The following TFEB variants were observed in gnomAD, a reference collection of about 807,000 sequenced individuals.
TFEB encodes T-cell transcription factor EB.
TFEB carries 12 observed loss-of-function variants against 48.0 expected under a neutral mutation model. That is an observed-to-expected ratio of 0.25 (90% confidence interval 0.16 to 0.40). The LOEUF (loss-of-function observed/expected upper bound fraction) is 0.40, where lower values mean the gene tolerates loss of function less well. Ranked by LOEUF, TFEB falls within the 10% of genes least tolerant of loss-of-function variation. TFEB has a pLI of 1.00. For synonymous variants in TFEB, 244 were observed against 261.4 expected, an observed-to-expected ratio of 0.93 and a Z score of 0.64; for missense variants, 509 against 640.3, an observed-to-expected ratio of 0.79 and a Z score of 2.21.
chr6:41,686,250 G>C lies in TFEB; in HGVS notation c.804-13C>G. 3 of 1,613,494 alleles carry C rather than the reference G, an allele frequency of 1.9e-6. No homozygotes were observed. Among genetic ancestry groups the C allele is most frequent in the Non-Finnish European group, 2.5e-6 (3 of 1,179,482 alleles). The stretch of plus-strand genomic sequence containing the variant: ...CCAGCGCACGTCCCTGCAGCAGCAG[G>C]CCAGGCAAATTAGAGGTGCATGCTC... On this transcript the variant is annotated splice_polypyrimidine_tract_variant and intron_variant, in intron 7 of 8. Transcript: ENST00000373033.
rs1401072125 is a variant in TFEB, at chr6:41,735,057, G to T, written c.-23+293C>A. ...GGGCCGGGAAGGCCCATGCCCGCCC[G>T]GCCCCTCCCGCCCGGTTACATAAGG... On this transcript the variant is annotated intron_variant, in intron 1 of 8. Transcript: ENST00000373033. 3.0e-6 allele frequency: 3 copies of T among 984,934 alleles called. No homozygotes were observed. The East Asian group carries it at 3.4e-4, about 113-fold the overall frequency. The allele number at this position is 984,934 out of a possible 1,614,324, so 61.0% of individuals were successfully genotyped here.
intron 1 of TFEB, among the ~76,000 whole-genome samples, chr6:41,725,951 T>C (rs1771187218): frequency 6.6e-6 from 1 of 152,056 alleles, no homozygotes; most frequent in Non-Finnish European, 1.5e-5. Flanking sequence ...GAAGTTGAAA[T>C]ATACATTAAA....
At chr6:41,689,461 C>T (rs1769180268) in intron 4 of TFEB, among the ~76,000 whole-genome samples, 1 of 152,206 alleles carries the variant, frequency 6.6e-6, no homozygotes, top group African/African-American at 2.4e-5. Flanking sequence ...ACCTGGAAAG[C>T]TCCCCCCACA....
chr6:41,684,954 G>A lies in TFEB; in HGVS notation c.1076C>T (p.Ala359Val), dbSNP rs754340609. Residue 359 changes from alanine (A) to valine (V), a missense_variant, in exon 9 of 9, where the codon GCC becomes GTC. Transcript: ENST00000373033. ...ELPSEEGPGEALMLGAEVPDP... is the reference protein window; with the variant it reads ...ELPSEEGPGEVLMLGAEVPDP... ...AGGGACCTCAGCCCCCAGCATCAGG[G>A]CCTCCCCTGGGCCCTCTTCGCTAGG... The A allele has an allele frequency of 8.8e-6, 14 of 1,584,968 alleles. No individual in the cohort carries two copies. Among genetic ancestry groups the A allele is most frequent in the Non-Finnish European group, 9.4e-6 (11 of 1,165,788 alleles).
chr6:41,685,301 G>A (rs1243994646), intron 8 of TFEB, among the ~76,000 whole-genome samples: 1 of 152,230 alleles, frequency 6.6e-6, no homozygotes, highest in Non-Finnish European at 1.5e-5. Flanking sequence ...ACCGTAGTGA[G>A]TCTTGACCAG....
chr6:41,690,229 C>T (rs546275150), intron 3 of TFEB, among the ~76,000 whole-genome samples: 8 of 152,040 alleles, frequency 5.3e-5, no homozygotes, highest in African/African-American at 1.4e-4. Flanking sequence ...CTTCCCGATT[C>T]AAGTGATTCT....
upstream of TFEB, among the ~76,000 whole-genome samples, chr6:41,735,971 T>A (rs1222559131): frequency 6.6e-6 from 1 of 152,202 alleles, no homozygotes; most frequent in East Asian, 1.9e-4. Flanking sequence ...ACTCCACCTG[T>A]GGCAAATTCC....
At chr6:41,695,918 C>T (rs2127452626) in intron 1 of TFEB, among the ~76,000 whole-genome samples, 1 of 152,346 alleles carries the variant, frequency 6.6e-6, no homozygotes, top group South Asian at 2.1e-4. Flanking sequence ...AAGGAATCCC[C>T]CCAGCTCCAC....
chr6:41,731,398 G>A (rs924706778), intron 1 of TFEB, among the ~76,000 whole-genome samples: 4 of 152,154 alleles, frequency 2.6e-5, no homozygotes, highest in African/African-American at 9.7e-5. Flanking sequence ...CTTCCTGGTT[G>A]CTTCACCAGG....
At chr6:41,692,724 G>T (rs1238034695) in intron 1 of TFEB, among the ~76,000 whole-genome samples, 2 of 152,184 alleles carry the variant, frequency 1.3e-5, no homozygotes, top group African/African-American at 4.8e-5. Context: ...AATTTCTAAG[G>T]TCCTCCCCAG....
chr6:41,711,493 G>T (rs1395608297), intron 1 of TFEB, among the ~76,000 whole-genome samples: 4 of 152,208 alleles, frequency 2.6e-5, no homozygotes, highest in Admixed American at 2.6e-4. Context: ...CAGTCTCGGT[G>T]TCCCCTTCCA....
intron 3 of TFEB, 43 bp from the exon 4 acceptor site, chr6:41,689,854 G>A: frequency 1.9e-6 from 3 of 1,545,114 alleles, no homozygotes; most frequent in South Asian, 1.1e-5. Flanking sequence ...CCACCACGAG[G>A]TGGGCAGGGG....
chr6:41,710,529 G>A (rs191965606), intron 1 of TFEB, among the ~76,000 whole-genome samples: 1 of 152,284 alleles, frequency 6.6e-6, no homozygotes, highest in African/African-American at 2.4e-5. Flanking sequence ...TGTCTTTGGA[G>A]AAATGAAGAA....
chr6:41,698,462 C>A (rs996570597), intron 1 of TFEB, among the ~76,000 whole-genome samples: 12 of 152,094 alleles, frequency 7.9e-5, no homozygotes, highest in Admixed American at 7.9e-4. Flanking sequence ...TCCCCAAACA[C>A]AGGCAGAAAA....
At position 41,724,848 on chromosome 6, in the gene TFEB, G is replaced by A. The variant is rs972212528; in HGVS notation, c.-23+10502C>T. Among the ~76,000 whole-genome samples the A allele has an allele frequency of 9.2e-5, 14 of 152,286 alleles. No individual in the cohort carries two copies. Among genetic ancestry groups the A allele is most frequent in the Non-Finnish European group, 1.8e-4 (12 of 68,020 alleles). ...CGCCTCACAGCCCCTGCAGCAGCAC[G>A]AACCAGGACTGAGGTTCACAGCGGT... On this transcript the variant is annotated intron_variant, in intron 1 of 8. Coordinates refer to ENST00000373033, the MANE Select transcript of TFEB (RefSeq NM_001271944.2). The surrounding 1 kb of genome is among the most constrained non-coding windows in gnomAD (Gnocchi z 4.4).
chr6:41,732,076 A>AGGTCTCGCTATGTTGCCCAGGCT (rs1424362976), intron 1 of TFEB, among the ~76,000 whole-genome samples: 1 of 152,158 alleles, frequency 6.6e-6, no homozygotes, highest in Non-Finnish European at 1.5e-5. Flanking sequence ...AATTGAGTCC[A>AGGTCTCGCTATGTTGCCCAGGCT]GGTCTCGCTA....
chr6:41,702,819 C>T (rs1283726885), intron 1 of TFEB, among the ~76,000 whole-genome samples: 3 of 152,214 alleles, frequency 2.0e-5, no homozygotes, highest in East Asian at 1.9e-4. Flanking sequence ...AGACCTGCAT[C>T]GGTATGCACC....
chr6:41,716,731 A>T (rs1316219485), intron 1 of TFEB, among the ~76,000 whole-genome samples: 2 of 152,144 alleles, frequency 1.3e-5, no homozygotes, highest in Non-Finnish European at 2.9e-5. Context: ...ACAGGGCTAA[A>T]AATAGACTCT....
chr6:41,717,499 A>C (rs1000804458), intron 1 of TFEB, among the ~76,000 whole-genome samples: 1 of 152,174 alleles, frequency 6.6e-6, no homozygotes, highest in African/African-American at 2.4e-5. Flanking sequence ...TTCATTACAC[A>C]ACTGAGGAGA....
Sources: gnomAD v4.1 joint callset for allele counts (sites outside exome capture counted in the v4.1 genomes callset) on GRCh38, gnomAD v4.1.1 for gene constraint, Gnocchi (gnomAD v3.1) non-coding constraint, MANE v1.5 for transcripts, NCBI Gene and HGNC (gene_info 2026-07-23, HGNC 2026-07-21) for gene names.